Variants in HPRT1 observed in about 807,000 individuals in gnomAD.
HPRT1 encodes the protein hypoxanthine-guanine phosphoribosyltransferase.
A neutral mutation model predicts 19.0 loss-of-function variants in HPRT1; 4 were observed. That is an observed-to-expected ratio of 0.21 (90% confidence interval 0.10 to 0.48). The LOEUF (loss-of-function observed/expected upper bound fraction) is 0.48, where lower values mean the gene tolerates loss of function less well. HPRT1 is among the 20% of genes least tolerant of loss of function. The pLI is 0.98. For synonymous variants in HPRT1, 53 were observed against 54.9 expected, an observed-to-expected ratio of 0.97 and a Z score of 0.15; for missense variants, 65 against 164.0, an observed-to-expected ratio of 0.40 and a Z score of 3.30.
chrX:134,492,050 T>C (rs777771251), intron 5 of HPRT1, among the ~76,000 whole-genome samples: 94 of 97,846 alleles, frequency 9.6e-4, no homozygotes, highest in African/African-American at 1.6e-3. Context: ...CACACACACA[T>C]ATATATATAT....
rs137852489 is a variant in HPRT1, at chrX:134,486,471, C to A, written c.325C>A (p.Gln109Lys). ...TTTTTTTTTTTTTAACTAGAATGAC[C>A]AGTCAACAGGGGACATAAAAGTAAT... ...FIRLKSYCND[Q>K]STGDIKVIGG... Residue 109 changes from glutamine to lysine, a missense_variant, in exon 4 of 9, where the codon CAG (glutamine) becomes AAG (lysine). This residue lies in a region of HPRT1 where 16 missense variants were observed against 16.0 expected (regional missense o/e 1.00). Coordinates refer to ENST00000298556, the MANE Select transcript of HPRT1 (RefSeq NM_000194.3). The A allele has an allele frequency of 7.4e-5, 82 of 1,101,529 alleles. No homozygotes were observed. The highest frequency in any genetic ancestry group is 9.7e-5 in the Non-Finnish European group (79 of 812,800). 90.8% of individuals were successfully genotyped at this position (1,101,529 alleles called of 1,213,427 possible).
chrX:134,486,513 T>G lies in HPRT1; in HGVS notation c.367T>G (p.Ser123Ala). The G allele has an allele frequency of 8.6e-7, 1 of 1,159,949 alleles. No individual in the cohort carries two copies. The highest frequency in any genetic ancestry group is 1.2e-6 in the Non-Finnish European group (1 of 851,726). ...AAAAGTAATTGGTGGAGATGATCTC[T>G]CAACTTTAACTGGAAAGGTATGTAT... Reference protein sequence around the residue: ...DIKVIGGDDLSTLTGKNVLIV... With the variant: ...DIKVIGGDDLATLTGKNVLIV... Residue 123 changes from serine (S) to alanine (A), a missense_variant, in exon 4 of 9, where the codon TCA (serine) becomes GCA (alanine). Coordinates refer to ENST00000298556, the MANE Select transcript of HPRT1 (RefSeq NM_000194.3).
intron 3 of HPRT1, among the ~76,000 whole-genome samples, chrX:134,484,265 T>C (rs1253397365): frequency 8.9e-6 from 1 of 112,663 alleles, no homozygotes; most frequent in African/African-American, 3.2e-5. Context: ...ACAGATTTTA[T>C]AAATAATTTG....
rs1019828218 is a variant in HPRT1 at position 134,462,565 on chromosome X, G to A, written c.27+2227G>A. ...ACTCCTGAGCTCAAGCGATCTGCCC[G>A]CCTCTGCTTCCCAAAGTGCTGGGAT... On this transcript the variant is annotated intron_variant, in intron 1 of 8. Transcript: ENST00000298556. Among the ~76,000 whole-genome samples the A allele has an allele frequency of 2.7e-5, 3 of 111,362 alleles. No individual in the cohort carries two copies. The Admixed American group carries it at 2.9e-4, about 11-fold the overall frequency.
At chrX:134,467,238 A>G (rs2077599386) in intron 1 of HPRT1, among the ~76,000 whole-genome samples, 1 of 110,332 alleles carries the variant, frequency 9.1e-6, no homozygotes, top group Non-Finnish European at 1.9e-5. Context: ...TTTTGTAGAG[A>G]CAGGGTTTCG....
chrX:134,481,505 C>CTATCTA (rs1327305625), intron 3 of HPRT1, among the ~76,000 whole-genome samples: 8 of 96,169 alleles, frequency 8.3e-5, no homozygotes, highest in African/African-American at 3.1e-4. Flanking sequence ...ATCTGTCTAT[C>CTATCTA]TCTATCTATC....
chrX:134,482,870 A>C (rs954996978), intron 3 of HPRT1, among the ~76,000 whole-genome samples: 1 of 110,879 alleles, frequency 9.0e-6, no homozygotes, highest in Non-Finnish European at 1.9e-5. Context: ...TGATTCTAAC[A>C]TTCTCACTTT....
chrX:134,470,354 A>C (rs1403308027), intron 1 of HPRT1, among the ~76,000 whole-genome samples: 1 of 112,051 alleles, frequency 8.9e-6, no homozygotes, highest in Non-Finnish European at 1.9e-5. Context: ...AGCTTTGGGG[A>C]CTGAAAGACA....
At chrX:134,460,418 G>T (rs2077579643) in intron 1 of HPRT1, 80 bp downstream of exon 1, 2 of 848,486 alleles carry the variant, frequency 2.4e-6, no homozygotes, top group South Asian at 4.3e-5. Flanking sequence ...CGCGGGATCC[G>T]CAGTGCGGGC....
intron 3 of HPRT1, among the ~76,000 whole-genome samples, chrX:134,478,206 T>C (rs1308619399): frequency 8.9e-6 from 1 of 111,990 alleles, no homozygotes; most frequent in Non-Finnish European, 1.9e-5. Flanking sequence ...TAAAGAAATA[T>C]TCTATGAACT....
At chrX:134,498,925 A>G (rs2124305502) in intron 8 of HPRT1, among the ~76,000 whole-genome samples, 1 of 112,055 alleles carries the variant, frequency 8.9e-6, no homozygotes, top group South Asian at 3.7e-4. Context: ...TTGCATTATT[A>G]TTTCAGATGA....
chrX:134,467,874 C>T (rs756247376), intron 1 of HPRT1, among the ~76,000 whole-genome samples: 32 of 102,005 alleles, frequency 3.1e-4, no homozygotes, highest in Non-Finnish European at 4.1e-4. Flanking sequence ...GGTATGATCT[C>T]GGCTCACTGT....
chrX:134,486,428 G>GATAT, intron 3 of HPRT1, 37 bp from the exon 4 acceptor site: 2 of 672,138 alleles, frequency 3.0e-6, no homozygotes, highest in Non-Finnish European at 4.3e-6. Context: ...TGTGTGTGTA[G>GATAT]ATATATATAT....
chrX:134,479,455 A>T (rs1185300360), intron 3 of HPRT1, among the ~76,000 whole-genome samples: 4 of 110,552 alleles, frequency 3.6e-5, no homozygotes, highest in Non-Finnish European at 7.6e-5. Flanking sequence ...TTTTTAGTTG[A>T]GATGGGGTTT....
At chrX:134,490,282 G>A (rs775484221) in intron 5 of HPRT1, 77 bp downstream of exon 5, 5 of 555,760 alleles carry the variant, frequency 9.0e-6, no homozygotes, top group Admixed American at 3.2e-5. Flanking sequence ...GGTAAGCCAG[G>A]GAGAGAAATT....
chrX:134,489,261 T>C (rs890120854), intron 4 of HPRT1, among the ~76,000 whole-genome samples: 2 of 111,925 alleles, frequency 1.8e-5, no homozygotes, highest in African/African-American at 6.5e-5. Flanking sequence ...ATATATGATT[T>C]ATGGTAATAA....
chrX:134,471,318 G>T (rs1363397614), intron 1 of HPRT1, among the ~76,000 whole-genome samples: 2 of 110,827 alleles, frequency 1.8e-5, no homozygotes, highest in Admixed American at 1.9e-4. Context: ...ATTTTTTTCT[G>T]TATATAGGTA....
chrX:134,460,577 G>C (rs2077580556), intron 1 of HPRT1: 1 of 229,713 alleles, frequency 4.4e-6, no homozygotes, highest in African/African-American at 2.9e-5. Flanking sequence ...AGAGGACTGC[G>C]TGTGGGAAGA....
At chrX:134,482,107 T>G (rs1043014204) in intron 3 of HPRT1, among the ~76,000 whole-genome samples, 4 of 111,512 alleles carry the variant, frequency 3.6e-5, no homozygotes, top group African/African-American at 1.3e-4. Flanking sequence ...CAGGCTGGAG[T>G]GTAGTGGTGC....
Sources: allele counts gnomAD v4.1 joint callset (sites outside exome capture counted in the v4.1 genomes callset), GRCh38; gene constraint gnomAD v4.1.1; regional missense constraint gnomAD v4.1.1; transcripts MANE v1.5; gene names NCBI Gene and HGNC (gene_info 2026-07-23, HGNC 2026-07-21).